RPL7L1: variants seen among roughly 807,000 people sequenced by gnomAD.
The protein encoded by RPL7L1 is ribosomal protein L7 like 1, also known as ribosomal protein uL30-like.
A neutral mutation model predicts 30.3 loss-of-function variants in RPL7L1; 20 were observed. The ratio of observed to expected loss-of-function variants is 0.66; its 90% CI spans 0.46 to 0.96. The LOEUF (loss-of-function observed/expected upper bound fraction) is 0.96. Among genes scored for constraint, RPL7L1 ranks in the 40% least tolerant of loss-of-function variants. The pLI, the probability that RPL7L1 is intolerant of heterozygous loss-of-function variation, is 0.00. For synonymous variants in RPL7L1, 107 were observed against 110.1 expected, an observed-to-expected ratio of 0.97 and a Z score of 0.18; for missense variants, 271 against 314.9, an observed-to-expected ratio of 0.86 and a Z score of 1.05.
chr6:42,880,719 G>C, intron 1 of RPL7L1, 142 bp from the exon 2 acceptor site: 1 of 510,668 alleles, frequency 2.0e-6, no homozygotes, highest in Non-Finnish European at 3.5e-6. Context: ...CACCATGTTG[G>C]TCAGGCTGGT....
At position 42,886,544 on chromosome 6, in the gene RPL7L1, T is replaced by C; in HGVS notation, c.*80T>C. The C allele has an allele frequency of 5.5e-6, 4 of 731,404 alleles. No individual in the cohort carries two copies. The highest frequency in any genetic ancestry group is 9.5e-6 in the Non-Finnish European group (4 of 422,872). The allele number at this position is 731,404 out of a possible 1,614,324, so 45.3% of individuals were successfully genotyped here. On this transcript the variant is annotated 3_prime_UTR_variant, in exon 6 of 6. Coordinates refer to ENST00000493763, the MANE Select transcript of RPL7L1 (RefSeq NM_001366481.3). ...GCCTTGCCACTTTACAAGTTCTTTT[T>C]GCATTTACTAGTATTTAAGAGTAAC... is the stretch of plus-strand genomic sequence containing the variant.
chr6:42,879,878 G>A lies in RPL7L1; in HGVS notation c.-33G>A. The stretch of plus-strand genomic sequence containing the variant: ...GTCTCTATGGTCAAGTAAACAGAGC[G>A]TGTGCTGTCTTCCCCATGTGGTGGG... On this transcript the variant is annotated 5_prime_UTR_variant, in exon 1 of 6. The change creates a new upstream start codon in the 5' untranslated region. Transcript: ENST00000493763. 5 of 1,611,832 alleles carry A rather than the reference G, an allele frequency of 3.1e-6. No homozygotes were observed. The South Asian group carries it at 4.4e-5, about 14-fold the overall frequency.
chr6:42,887,120 T>C lies in RPL7L1; in HGVS notation c.*656T>C, dbSNP rs1766300820. On this transcript the variant is annotated 3_prime_UTR_variant, in exon 6 of 6. Coordinates refer to ENST00000493763, the MANE Select transcript of RPL7L1 (RefSeq NM_001366481.3). ...TCTATTTTGCTGAAGAAATCTTAAC[T>C]CTTTGAAATTACTTTTTATTGCTGT... The C allele has an allele frequency of 6.6e-6, 1 of 152,284 alleles. No individual in the cohort carries two copies. The highest frequency in any genetic ancestry group is 1.5e-5 in the Non-Finnish European group (1 of 68,034). The allele number at this position is 152,284 out of a possible 1,614,324, so 9.4% of individuals were successfully genotyped here. A position where few individuals can be genotyped will look rare whatever the true frequency, so the allele number is the denominator to read the frequency against.
intron 2 of RPL7L1, chr6:42,882,536 T>C (rs1426897923): frequency 6.8e-6 from 1 of 147,914 alleles, no homozygotes; most frequent in Non-Finnish European, 1.5e-5. Context: ...GAGGTTGCAG[T>C]GAGCTGAGAT....
chr6:42,879,826 G>C lies in RPL7L1; in HGVS notation c.-85G>C, dbSNP rs1766001235. 1.4e-6 allele frequency: 2 copies of C among 1,432,414 alleles called. No homozygotes were observed. The allele number at this position is 1,432,414 out of a possible 1,614,324, so 88.7% of individuals were successfully genotyped here. On this transcript the variant is annotated 5_prime_UTR_variant, in exon 1 of 6. Transcript: ENST00000493763. ...CACTGCGGCTAAGTGAACGCTGACT[G>C]GTCCTCCAGCGTGAGCTAGAACAGA... is the stretch of plus-strand genomic sequence containing the variant.
intron 2 of RPL7L1, 198 bp downstream of exon 2, chr6:42,881,164 T>C (rs1393612699): frequency 1.1e-5 from 5 of 469,316 alleles, no homozygotes; most frequent in African/African-American, 2.1e-5. Context: ...TGAAGTCCCT[T>C]ATATAAAATG....
chr6:42,884,291 C>T (rs1385112573), intron 3 of RPL7L1, among the ~76,000 whole-genome samples: 1 of 152,194 alleles, frequency 6.6e-6, no homozygotes, highest in East Asian at 1.9e-4. Context: ...GGTCTGGTCT[C>T]TTCTGCTTAA....
Position 42,880,911 on chromosome 6 carries a change from C to G in RPL7L1, c.92C>G (p.Ala31Gly), listed in dbSNP as rs1433501528. Residue 31 changes from alanine to glycine, a missense_variant, in exon 2 of 6, where the codon GCT (alanine) becomes GGT (glycine). Coordinates refer to ENST00000493763, the MANE Select transcript of RPL7L1 (RefSeq NM_001366481.3). ...VPENLLKKRK[A>G]YQALKATQAK... Reference sequence around the variant, plus strand: ...GAAAATCTCCTGAAAAAGAGGAAGGCTTATCAAGCCCTCAAAGCCACCCAG... The same window carrying G: ...GAAAATCTCCTGAAAAAGAGGAAGGGTTATCAAGCCCTCAAAGCCACCCAG... 3.1e-6 allele frequency: 5 copies of G among 1,609,978 alleles called. No homozygotes were observed. The highest frequency in any genetic ancestry group is 4.2e-6 in the Non-Finnish European group (5 of 1,176,712).
Position 42,887,288 on chromosome 6 carries a change from A to C in RPL7L1, c.*824A>C, listed in dbSNP as rs1244132062. 1.3e-5 allele frequency: 2 copies of C among 152,184 alleles called. No homozygotes were observed. Among genetic ancestry groups the C allele is most frequent in the Non-Finnish European group, 2.9e-5 (2 of 68,036 alleles). 9.4% of individuals were successfully genotyped at this position (152,184 alleles called of 1,614,324 possible). On this transcript the variant is annotated 3_prime_UTR_variant, in exon 6 of 6. Transcript: ENST00000493763. ...TTCAGAAACTGGAAAGGGTCAAAGAAAAGACAGTAGCTGGCCGGTCGTGGT... is the reference window on the plus strand; with the variant it reads ...TTCAGAAACTGGAAAGGGTCAAAGACAAGACAGTAGCTGGCCGGTCGTGGT...
At chr6:42,884,185 CTATTG>C (rs1230540343) in intron 3 of RPL7L1, among the ~76,000 whole-genome samples, 2 of 152,166 alleles carry the variant, frequency 1.3e-5, no homozygotes, top group African/African-American at 2.4e-5. Context: ...TTTTCCTGAA[CTATTG>C]TATTAACCTT....
In RPL7L1 at chr6:42,887,007, A is replaced by C. The variant is rs1184069399; in HGVS notation, c.*543A>C. 3 of 148,904 alleles carry C rather than the reference A, an allele frequency of 2.0e-5. No homozygotes were observed. The highest frequency in any genetic ancestry group is 2.9e-5 in the Non-Finnish European group (2 of 68,232). 9.2% of individuals were successfully genotyped at this position (148,904 alleles called of 1,614,324 possible). A position where few individuals can be genotyped will look rare whatever the true frequency, so the allele number is the denominator to read the frequency against. On this transcript the variant is annotated 3_prime_UTR_variant, in exon 6 of 6. Coordinates refer to ENST00000493763, the MANE Select transcript of RPL7L1 (RefSeq NM_001366481.3). ...GACTCCATCTCGGAAAAAAAAAAAA[A>C]AAAACTATTGCTGCAGTCATTCAGA...
In RPL7L1 at chr6:42,886,405, A is replaced by C; in HGVS notation, c.709A>C (p.Met237Leu). ...TKNRVGFLKEMGTPGYRGERI... is the reference protein window; with the variant it reads ...TKNRVGFLKELGTPGYRGERI... ...AAATAGAGTGGGCTTCCTCAAGGAG[A>C]TGGGCACACCTGGCTATCGGGGTGA... Residue 237 changes from methionine (M) to leucine (L), a missense_variant, in exon 6 of 6, where the codon ATG becomes CTG. Transcript: ENST00000493763. 6.3e-7 allele frequency: 1 copy of C among 1,596,670 alleles called. No homozygotes were observed. Among genetic ancestry groups the C allele is most frequent in the South Asian group, 1.1e-5 (1 of 90,930 alleles).
rs144413814 is a variant in RPL7L1, at chr6:42,884,914, G to A, written c.449+164G>A. ...GTAGCTGTAATAACCATGGGACACA[G>A]GGTAGGGAGGGGTCTGAACAATACC... On this transcript the variant is annotated intron_variant, in intron 4 of 5. Transcript: ENST00000493763. Among the ~76,000 whole-genome samples, 234 of 152,286 alleles carry A rather than the reference G, an allele frequency of 1.5e-3. 1 individual carries two copies. The highest frequency in any genetic ancestry group is 5.4e-3 in the African/African-American group (224 of 41,560).
At chr6:42,880,820 C>T in intron 1 of RPL7L1, 41 bp from the exon 2 acceptor site, 1 of 1,227,900 alleles carries the variant, frequency 8.1e-7, no homozygotes, top group Non-Finnish European at 1.2e-6. Flanking sequence ...GCCAAGTGTT[C>T]TTTTCTAAAT....
rs34853941 is a variant in RPL7L1, at chr6:42,881,737, ATT to A, written c.147+780_147+781del. On this transcript the variant is annotated intron_variant, in intron 2 of 5. Transcript: ENST00000493763. ...AAGCATGCGCCACCACACCTGGCTA[ATT>A]TTTTTTTTAACTTAATTTAATTTTG... The A allele has an allele frequency of 5.3e-5, 8 of 149,772 alleles. No homozygotes were observed. In the East Asian group the frequency reaches 9.9e-4, roughly 18 times the overall value. The allele number at this position is 149,772 out of a possible 1,614,324, so 9.3% of individuals were successfully genotyped here.
chr6:42,879,990 T>G, intron 1 of RPL7L1, 39 bp downstream of exon 1: 1 of 1,603,542 alleles, frequency 6.2e-7, no homozygotes, highest in Non-Finnish European at 8.5e-7. Context: ...AGTGGGGTCT[T>G]GAGTATCCGG....
rs1766276065 is a variant in RPL7L1 at position 42,886,528 on chromosome 6, C to T, written c.*64C>T. The T allele has an allele frequency of 1.3e-6, 1 of 764,496 alleles. No homozygotes were observed. The highest frequency in any genetic ancestry group is 1.7e-5 in the African/African-American group (1 of 57,854). 47.4% of individuals were successfully genotyped at this position (764,496 alleles called of 1,614,324 possible). A position where few individuals can be genotyped will look rare whatever the true frequency, so the allele number is the denominator to read the frequency against. ...ACTTTTGATAGGCCATGCCTTGCCA[C>T]TTTACAAGTTCTTTTTGCATTTACT... is the stretch of plus-strand genomic sequence containing the variant. On this transcript the variant is annotated 3_prime_UTR_variant, in exon 6 of 6. Coordinates refer to ENST00000493763, the MANE Select transcript of RPL7L1 (RefSeq NM_001366481.3).
chr6:42,885,897 A>C (rs1766247310), intron 4 of RPL7L1, 77 bp from the exon 5 acceptor site: 4 of 741,234 alleles, frequency 5.4e-6, no homozygotes, highest in Non-Finnish European at 9.6e-6. Context: ...AACCTCTCCA[A>C]CCTCTCAGCC....
intron 3 of RPL7L1, 51 bp downstream of exon 3, chr6:42,883,665 T>C: frequency 1.4e-6 from 2 of 1,479,544 alleles, no homozygotes; most frequent in South Asian, 2.7e-5. Flanking sequence ...AAAGTGTTGC[T>C]TAAGCTTTAG....
Sources: allele counts gnomAD v4.1 joint callset (sites outside exome capture counted in the v4.1 genomes callset), GRCh38; gene constraint gnomAD v4.1.1; transcripts MANE v1.5; gene names NCBI Gene and HGNC (gene_info 2026-07-23, HGNC 2026-07-21).